TCF3: variants seen among roughly 807,000 people sequenced by gnomAD.
TCF3 encodes transcription factor E2-alpha.
TCF3 carries 54 observed loss-of-function variants against 72.3 expected under a neutral mutation model. That is an observed-to-expected ratio of 0.75 (90% confidence interval 0.60 to 0.94). The LOEUF (loss-of-function observed/expected upper bound fraction) is 0.94, where lower values mean the gene tolerates loss of function less well. TCF3 is among the 40% of genes least tolerant of loss of function. TCF3 has a pLI of 0.00. For synonymous variants in TCF3, 525 were observed against 412.6 expected, an observed-to-expected ratio of 1.27 and a Z score of -3.30; for missense variants, 1,078 against 934.4, an observed-to-expected ratio of 1.15 and a Z score of -2.00.
chr19:1,624,206 G>A (rs962793501), intron 7 of TCF3, among the ~76,000 whole-genome samples: 5 of 152,132 alleles, frequency 3.3e-5, no homozygotes, highest in African/African-American at 9.7e-5. Flanking sequence ...GACCATCCTG[G>A]CCAACACAGT....
intron 16 of TCF3, 128 bp downstream of exon 16, chr19:1,618,983 C>T (rs117246110): frequency 0.012 from 17,473 of 1,471,654 alleles, 140 homozygotes; most frequent in Non-Finnish European, 0.014. Context: ...CTGACTGGGG[C>T]GCCCATGTCA....
intron 2 of TCF3, among the ~76,000 whole-genome samples, chr19:1,647,949 C>T (rs998879339): frequency 5.3e-5 from 8 of 152,166 alleles, no homozygotes; most frequent in African/African-American, 1.9e-4. Context: ...GCCTGGGGAG[C>T]TCGCTTCCAA....
In TCF3 at chr19:1,622,044, T is replaced by C. The variant is rs1437591435; in HGVS notation, c.822+10A>G. On this transcript the variant is annotated intron_variant, in intron 10 of 18. Coordinates refer to ENST00000262965, the MANE Select transcript of TCF3 (RefSeq NM_003200.5). ...TCCGCCCACCCCCTGCCCCCTGCCC[T>C]GGGTCCTACCATACGCTCGTGCTGG... 6.6e-7 allele frequency: 1 copy of C among 1,511,304 alleles called. No individual in the cohort carries two copies. Among genetic ancestry groups the C allele is most frequent in the Non-Finnish European group, 9.0e-7 (1 of 1,113,366 alleles). 93.6% of individuals were successfully genotyped at this position (1,511,304 alleles called of 1,614,324 possible).
In TCF3 at chr19:1,630,040, T is replaced by C. The variant is rs961752196; in HGVS notation, c.298+1998A>G. On this transcript the variant is annotated intron_variant, in intron 5 of 18. Transcript: ENST00000262965. ...CCCGTGCCTCCCCGGGACCCCCGCC[T>C]GCCCTCTCCAAGCTGCCTGGCTATG... 1.8e-4 allele frequency among the ~76,000 whole-genome samples: 28 copies of C among 152,310 alleles called. No homozygotes were observed. In the South Asian group the frequency reaches 2.3e-3, roughly 12 times the overall value.
At chr19:1,613,802 C>A (rs1401547112) in intron 18 of TCF3, among the ~76,000 whole-genome samples, 1 of 152,218 alleles carries the variant, frequency 6.6e-6, no homozygotes, top group Non-Finnish European at 1.5e-5. Context: ...CCCTGAGCTC[C>A]TGCCCCTGGC....
At chr19:1,612,343 C>T in intron 18 of TCF3, 1 of 1,613,980 alleles carries the variant, frequency 6.2e-7, no homozygotes. Flanking sequence ...TAATATCCCG[C>T]ACGCGCACCC....
rs955396788 is a variant in TCF3 at position 1,614,561 on chromosome 19, G to A, written c.1822+724C>T. On this transcript the variant is annotated intron_variant, in intron 18 of 18. Transcript: ENST00000262965. This position sits in a 1 kb window ranked among gnomAD's most constrained non-coding sequence, Gnocchi z 5.6. ...GCAGAGACTCGGAAACCTTAGAGCTGAGGGGATAGCGTGTGGGCCGGGCCG... is the reference window on the plus strand; with the variant it reads ...GCAGAGACTCGGAAACCTTAGAGCTAAGGGGATAGCGTGTGGGCCGGGCCG... 5.9e-5 allele frequency among the ~76,000 whole-genome samples: 9 copies of A among 152,180 alleles called. No individual in the cohort carries two copies. The highest frequency in any genetic ancestry group is 2.2e-4 in the African/African-American group (9 of 41,428).
chr19:1,641,467 T>G (rs2065234203), intron 3 of TCF3, among the ~76,000 whole-genome samples: 1 of 152,152 alleles, frequency 6.6e-6, no homozygotes, highest in Non-Finnish European at 1.5e-5. Context: ...ATTTTTTTAT[T>G]CTTCAGACAC....
chr19:1,613,303 G>C (rs891365339), intron 18 of TCF3, among the ~76,000 whole-genome samples: 4 of 152,154 alleles, frequency 2.6e-5, no homozygotes, highest in Non-Finnish European at 5.9e-5. Flanking sequence ...TCAGCTCTAG[G>C]GGAGGCTGTG....
At chr19:1,638,858 C>T (rs926685391) in intron 3 of TCF3, among the ~76,000 whole-genome samples, 8 of 152,238 alleles carry the variant, frequency 5.3e-5, no homozygotes, top group African/African-American at 1.4e-4. Context: ...CAAAATAAGA[C>T]GATGGAAGGA....
chr19:1,617,124 G>A (rs927473077), intron 16 of TCF3, among the ~76,000 whole-genome samples: 1 of 152,232 alleles, frequency 6.6e-6, no homozygotes, highest in East Asian at 1.9e-4. Context: ...GCAAAGTTGA[G>A]GGACCTGAAC....
intron 6 of TCF3, among the ~76,000 whole-genome samples, chr19:1,626,085 G>A (rs560467524): frequency 3.9e-5 from 6 of 152,316 alleles, no homozygotes; most frequent in African/African-American, 1.4e-4. Flanking sequence ...GTACATGTTA[G>A]TGTGAAACGG....
intron 2 of TCF3, among the ~76,000 whole-genome samples, chr19:1,649,937 C>T (rs553948845): frequency 6.6e-6 from 1 of 152,246 alleles, no homozygotes; most frequent in Non-Finnish European, 1.5e-5. Context: ...GTTTCCCCAT[C>T]TGTAAAGCAG....
chr19:1,644,168 CCCT>C (rs1180571447), intron 3 of TCF3, among the ~76,000 whole-genome samples: 1 of 152,218 alleles, frequency 6.6e-6, no homozygotes, highest in African/African-American at 2.4e-5. Flanking sequence ...CTGCCGGGAT[CCCT>C]CCGCCCCTCG....
At chr19:1,644,297 G>C (rs948356667) in intron 3 of TCF3, among the ~76,000 whole-genome samples, 25 of 152,208 alleles carry the variant, frequency 1.6e-4, no homozygotes, top group African/African-American at 5.5e-4. Context: ...TGGGGGAGTG[G>C]AGGCAATGAG....
In TCF3 at chr19:1,646,286, C is replaced by T. The variant is rs772981676; in HGVS notation, c.145+69G>A. The T allele has an allele frequency of 2.8e-5, 42 of 1,481,764 alleles. No homozygotes were observed. The Admixed American group carries it at 6.3e-4, about 22-fold the overall frequency. The allele number at this position is 1,481,764 out of a possible 1,614,324, so 91.8% of individuals were successfully genotyped here. ...CTTTGCTGCCCCAGCCTCCCTCGCC[C>T]GCACACTGTCTTCAACAGACCCTTG... On this transcript the variant is annotated intron_variant, in intron 3 of 18. Transcript: ENST00000262965.
chr19:1,641,460 T>C (rs1371831169), intron 3 of TCF3, among the ~76,000 whole-genome samples: 1 of 152,062 alleles, frequency 6.6e-6, no homozygotes, highest in Non-Finnish European at 1.5e-5. Context: ...AGACAATATT[T>C]TTTTATTCTT....
chr19:1,615,745 T>C lies in TCF3; in HGVS notation c.1527A>G (p.Ser509=), dbSNP rs757525435. ...TCTCCTCCTCCGAGTGGTCAGCCGC[T>C]GACGTGTTCTCCTCGTCCTCCTTCT... is the stretch of plus-strand genomic sequence containing the variant. ...REEKEDEENT[S]AADHSEEEKK... The change falls in exon 17 of 19, where the codon TCA becomes TCG. Residue 509 remains serine (S), a synonymous_variant. Coordinates refer to ENST00000262965, the MANE Select transcript of TCF3 (RefSeq NM_003200.5). The surrounding 1 kb of genome is among the most constrained non-coding windows in gnomAD (Gnocchi z 7.3). The C allele has an allele frequency of 5.0e-6, 8 of 1,610,520 alleles. 1 individual carries two copies. The South Asian group carries it at 5.5e-5, about 11-fold the overall frequency.
At chr19:1,633,626 T>C (rs956143164) in intron 3 of TCF3, among the ~76,000 whole-genome samples, 1 of 152,236 alleles carries the variant, frequency 6.6e-6, no homozygotes, top group Non-Finnish European at 1.5e-5. Context: ...TGAATATTCA[T>C]GCGCCTCATT....
Sources: allele counts gnomAD v4.1 joint callset (sites outside exome capture counted in the v4.1 genomes callset), GRCh38; gene constraint gnomAD v4.1.1; non-coding constraint Gnocchi (gnomAD v3.1); transcripts MANE v1.5; gene names NCBI Gene and HGNC (gene_info 2026-07-23, HGNC 2026-07-21).